Variants in OLFM3 observed in about 807,000 individuals in gnomAD.
OLFM3 encodes the protein olfactomedin 3, also known as noelin-3.
Under a neutral mutation model 48.6 loss-of-function variants are expected in OLFM3, and 20 were observed. That is an observed-to-expected ratio of 0.41 (90% CI 0.29 to 0.60). The LOEUF (loss-of-function observed/expected upper bound fraction) is 0.60, where lower values mean the gene tolerates loss of function less well. OLFM3 is among the 20% of genes least tolerant of loss of function. OLFM3 has a pLI of 0.28. For missense variants in OLFM3, 437 were observed against 544.3 expected, an observed-to-expected ratio of 0.80 and a Z score of 1.96; for synonymous variants, 222 against 198.1, an observed-to-expected ratio of 1.12 and a Z score of -1.01.
At chr1:101,962,475 A>C (rs1660495348) in intron 1 of OLFM3, among the ~76,000 whole-genome samples, 1 of 152,122 alleles carries the variant, frequency 6.6e-6, no homozygotes, top group Non-Finnish European at 1.5e-5. Flanking sequence ...GTTGAGTACA[A>C]ATGATGCATG....
chr1:101,858,315 C>T (rs1471712597), intron 1 of OLFM3, among the ~76,000 whole-genome samples: 1 of 151,954 alleles, frequency 6.6e-6, no homozygotes, highest in African/African-American at 2.4e-5. Flanking sequence ...ATGAAACCTG[C>T]ATTTATGCAT....
intron 4 of OLFM3, among the ~76,000 whole-genome samples, chr1:101,821,471 C>T (rs1177102979): frequency 6.6e-6 from 1 of 151,840 alleles, no homozygotes; most frequent in Non-Finnish European, 1.5e-5. Flanking sequence ...TGGCTTTATA[C>T]TTCACTGTAT....
intron 4 of OLFM3, among the ~76,000 whole-genome samples, chr1:101,816,488 G>A (rs1009072399): frequency 1.3e-5 from 2 of 152,136 alleles, no homozygotes; most frequent in Non-Finnish European, 2.9e-5. Flanking sequence ...TTTTGTGTGT[G>A]AGTGTCTGTC....
intron 1 of OLFM3, among the ~76,000 whole-genome samples, chr1:101,917,604 A>G (rs2101034756): frequency 1.3e-5 from 2 of 152,208 alleles, no homozygotes; most frequent in South Asian, 4.1e-4. Context: ...TTTAGTAGAG[A>G]CAGGGTTTCA....
intron 1 of OLFM3, chr1:101,860,056 T>C (rs1656590145): frequency 6.6e-6 from 1 of 151,956 alleles, no homozygotes; most frequent in African/African-American, 2.4e-5. Flanking sequence ...TTAAGTGAAG[T>C]GCTAATGTGT....
intron 2 of OLFM3, among the ~76,000 whole-genome samples, chr1:101,836,283 C>T (rs1377962617): frequency 6.6e-6 from 1 of 152,192 alleles, no homozygotes; most frequent in Non-Finnish European, 1.5e-5. Context: ...AATAACCTTT[C>T]ATGAGCTCAC....
intron 1 of OLFM3, among the ~76,000 whole-genome samples, chr1:101,920,252 G>A (rs889789895): frequency 1.3e-5 from 2 of 152,084 alleles, no homozygotes; most frequent in African/African-American, 2.4e-5. Flanking sequence ...CAATTTTCCT[G>A]ACTCAGTCTG....
chr1:101,839,652 T>C (rs1415535386), intron 1 of OLFM3, among the ~76,000 whole-genome samples: 5 of 152,236 alleles, frequency 3.3e-5, no homozygotes, highest in Non-Finnish European at 7.3e-5. Flanking sequence ...GCATTAATAT[T>C]GACGTGCACT....
chr1:101,834,161 C>T (rs1428269910), intron 2 of OLFM3, among the ~76,000 whole-genome samples: 1 of 152,118 alleles, frequency 6.6e-6, no homozygotes, highest in East Asian at 1.9e-4. Context: ...ATGGATATAC[C>T]AGTGGGATTT....
chr1:101,932,782 T>C (rs146299064), intron 1 of OLFM3, among the ~76,000 whole-genome samples: 7 of 152,256 alleles, frequency 4.6e-5, no homozygotes, highest in South Asian at 2.1e-4. Flanking sequence ...CCACACTAGT[T>C]CACCAGCAAT....
At chr1:101,864,201 T>A (rs570413990) in intron 1 of OLFM3, among the ~76,000 whole-genome samples, 1 of 152,300 alleles carries the variant, frequency 6.6e-6, no homozygotes, top group East Asian at 1.9e-4. Flanking sequence ...ATATCCTTTT[T>A]TTTTTTCCAA....
At chr1:101,917,187 T>G (rs1353595797) in intron 1 of OLFM3, among the ~76,000 whole-genome samples, 1 of 152,190 alleles carries the variant, frequency 6.6e-6, no homozygotes, top group African/African-American at 2.4e-5. Flanking sequence ...AAGATCACAG[T>G]GATTATTAAT....
chr1:101,916,846 C>T (rs1389943949), intron 1 of OLFM3, among the ~76,000 whole-genome samples: 4 of 152,066 alleles, frequency 2.6e-5, no homozygotes, highest in Admixed American at 6.6e-5. Context: ...AGGGGATAGA[C>T]GTATGAGCGA....
intron 1 of OLFM3, among the ~76,000 whole-genome samples, chr1:101,840,014 G>A (rs1378089972): frequency 1.3e-5 from 2 of 152,190 alleles, no homozygotes; most frequent in Non-Finnish European, 2.9e-5. Context: ...AGAGACCTCT[G>A]TGTTGGGGTC....
intron 1 of OLFM3, among the ~76,000 whole-genome samples, chr1:101,917,457 C>A (rs1054968176): frequency 2.0e-5 from 3 of 151,690 alleles, no homozygotes; most frequent in African/African-American, 4.8e-5. Flanking sequence ...TGCTCTGTTG[C>A]CCAGGCGGAA....
intron 1 of OLFM3, among the ~76,000 whole-genome samples, chr1:101,853,681 C>A (rs1656306428): frequency 6.6e-6 from 1 of 152,000 alleles, no homozygotes; most frequent in Non-Finnish European, 1.5e-5. Context: ...AAAAAGGAAA[C>A]CATTTTTAGT....
chr1:101,918,399 T>G (rs1030874056), intron 1 of OLFM3, among the ~76,000 whole-genome samples: 5 of 152,174 alleles, frequency 3.3e-5, no homozygotes, highest in African/African-American at 7.2e-5. Flanking sequence ...ATGCATGAGT[T>G]CCTTCTGGAA....
At chr1:101,931,915 G>A (rs775486835) in intron 1 of OLFM3, among the ~76,000 whole-genome samples, 12 of 152,104 alleles carry the variant, frequency 7.9e-5, no homozygotes, top group East Asian at 1.9e-4. Flanking sequence ...CACATCACCC[G>A]GGACACACTC....
chr1:101,985,717 T>C (rs970884676), intron 1 of OLFM3, among the ~76,000 whole-genome samples: 1 of 152,156 alleles, frequency 6.6e-6, no homozygotes, highest in Non-Finnish European at 1.5e-5. Flanking sequence ...CAAAAACTAA[T>C]GGAAGGGAAG....
Sources: allele counts gnomAD v4.1 joint callset (sites outside exome capture counted in the v4.1 genomes callset), GRCh38; gene constraint gnomAD v4.1.1; transcripts MANE v1.5; gene names NCBI Gene and HGNC (gene_info 2026-07-23, HGNC 2026-07-21).